The following DCAF6 variants were observed in gnomAD, a reference collection of about 807,000 sequenced individuals.
The protein encoded by DCAF6 is DDB1- and CUL4-associated factor 6.
DCAF6 carries 54 observed loss-of-function variants against 125.1 expected under a neutral mutation model. The observed-to-expected ratio is 0.43, with a 90% CI of 0.35 to 0.54. The LOEUF is 0.54. Ranked by LOEUF, DCAF6 falls within the 20% of genes least tolerant of loss-of-function variation. The pLI is 0.01. For synonymous variants in DCAF6, 371 were observed against 390.4 expected (o/e 0.95, Z 0.58); for missense variants, 934 against 1,161.7 (o/e 0.80, Z 2.85).
chr1:167,905,048 T>A, the DCAF6 span: 1 of 1,614,234 alleles, frequency 6.2e-7, no homozygotes, highest in African/African-American at 1.3e-5. Context: ...AGGGTCGCTC[T>A]GGGGAGAAAT....
At chr1:167,915,702 C>T in the DCAF6 span, among the ~76,000 whole-genome samples, 2 of 152,128 alleles carry the variant, frequency 1.3e-5, no homozygotes, top group African/African-American at 4.8e-5. Flanking sequence ...CCACCTGCCT[C>T]GGCCTCTCAA....
chr1:167,919,130 T>C, the DCAF6 span, among the ~76,000 whole-genome samples: 1 of 152,106 alleles, frequency 6.6e-6, no homozygotes, highest in East Asian at 1.9e-4. Context: ...TAAAGTAAAA[T>C]ATACTTCTAA....
chr1:168,006,416 A>G (rs1227645232), intron 10 of DCAF6, among the ~76,000 whole-genome samples: 3 of 152,218 alleles, frequency 2.0e-5, no homozygotes, highest in Admixed American at 6.5e-5. Flanking sequence ...TGACTAAGCT[A>G]TAGATAATTA....
the DCAF6 span, among the ~76,000 whole-genome samples, chr1:167,868,503 C>T: frequency 6.6e-6 from 1 of 152,158 alleles, no homozygotes; most frequent in African/African-American, 2.4e-5. Context: ...AAAATCCATT[C>T]AGTAAATTTC....
chr1:167,908,905 A>G, the DCAF6 span, among the ~76,000 whole-genome samples: 1 of 152,262 alleles, frequency 6.6e-6, no homozygotes, highest in Admixed American at 6.5e-5. Flanking sequence ...ATCTTTTAAA[A>G]AACTTTTATT....
At chr1:168,029,541 T>A (rs1451790081) in intron 12 of DCAF6, among the ~76,000 whole-genome samples, 2 of 152,208 alleles carry the variant, frequency 1.3e-5, no homozygotes, top group Admixed American at 1.3e-4. Context: ...ATAAGACACT[T>A]AATACCACAT....
Position 167,991,337 on chromosome 1 carries a change from C to T in DCAF6, c.686C>T (p.Thr229Ile), listed in dbSNP as rs1326613491. 7 of 1,608,618 alleles carry T rather than the reference C, an allele frequency of 4.4e-6. No homozygotes were observed. The highest frequency in any genetic ancestry group is 5.9e-6 in the Non-Finnish European group (7 of 1,177,554). ...CGGCGAATGCTGGGCACAAGAGCTACAGGTAAGAAGATAATATTAGAGAAA... is the reference window on the plus strand; with the variant it reads ...CGGCGAATGCTGGGCACAAGAGCTATAGGTAAGAAGATAATATTAGAGAAA... ...YDRRMLGTRATGNYAGRGTTG... is the reference protein window; with the variant it reads ...YDRRMLGTRAIGNYAGRGTTG... Residue 229 changes from threonine (T) to isoleucine (I), a missense_variant and splice_region_variant, in exon 6 of 22, where the codon ACA becomes ATA. Thr to Ile is a moderately conservative substitution (Grantham distance 89). This residue lies in a region of DCAF6 where 309 missense variants were observed against 381.2 expected (regional missense o/e 0.81). Transcript: ENST00000367840.
chr1:167,925,482 CATAT>C, the DCAF6 span, among the ~76,000 whole-genome samples: 8 of 80,852 alleles, frequency 9.9e-5, no homozygotes, highest in African/African-American at 2.3e-4. Context: ...TATACATATA[CATAT>C]ACACACACAT....
At chr1:167,945,463 G>T (rs1333636914) in intron 1 of DCAF6, among the ~76,000 whole-genome samples, 1 of 152,046 alleles carries the variant, frequency 6.6e-6, no homozygotes, top group Non-Finnish European at 1.5e-5. Context: ...GTTTGTGTGT[G>T]TGTGTATGTG....
chr1:167,975,619 C>G (rs769741781), intron 4 of DCAF6, among the ~76,000 whole-genome samples: 6 of 152,212 alleles, frequency 3.9e-5, no homozygotes, highest in Non-Finnish European at 7.3e-5. Flanking sequence ...GACCATGGCT[C>G]TCTGCAGCTT....
chr1:167,936,198 C>T (rs1671189017), upstream of DCAF6: 4 of 260,350 alleles, frequency 1.5e-5, no homozygotes, highest in South Asian at 1.4e-4. Flanking sequence ...CATGATTGGC[C>T]CGCCCCGAGG....
the DCAF6 span, among the ~76,000 whole-genome samples, chr1:167,924,150 C>T: frequency 2.0e-5 from 3 of 152,124 alleles, no homozygotes; most frequent in African/African-American, 4.8e-5. Flanking sequence ...CTTCAGTTCT[C>T]ATACTAAATT....
chr1:167,898,665 A>G, the DCAF6 span, among the ~76,000 whole-genome samples: 3 of 152,064 alleles, frequency 2.0e-5, no homozygotes, highest in African/African-American at 7.2e-5. Flanking sequence ...CAGCTAGGCC[A>G]TGCAGGCTGG....
intron 12 of DCAF6, among the ~76,000 whole-genome samples, chr1:168,033,601 G>C (rs1687422761): frequency 6.6e-6 from 1 of 152,140 alleles, no homozygotes; most frequent in African/African-American, 2.4e-5. Context: ...ACAGGTGTGA[G>C]CCACCGCGCC....
chr1:167,919,292 T>C, the DCAF6 span, among the ~76,000 whole-genome samples: 5 of 152,174 alleles, frequency 3.3e-5, no homozygotes, highest in South Asian at 2.1e-4. Flanking sequence ...CCTTCTACCA[T>C]ACCTTGGGCT....
chr1:167,905,191 T>C, the DCAF6 span: 6 of 1,602,594 alleles, frequency 3.7e-6, no homozygotes, highest in African/African-American at 6.7e-5. Context: ...AGTCTCCAAA[T>C]AGGTCTTCTA....
chr1:167,985,238 C>T (rs530676335), intron 4 of DCAF6, among the ~76,000 whole-genome samples: 5 of 150,290 alleles, frequency 3.3e-5, no homozygotes, highest in South Asian at 4.2e-4. Context: ...TGTGTGTGTG[C>T]GTGCGCGTGT....
the DCAF6 span, among the ~76,000 whole-genome samples, chr1:167,874,733 G>A: frequency 2.6e-5 from 4 of 152,194 alleles, no homozygotes; most frequent in East Asian, 5.8e-4. Context: ...CACAGCAACA[G>A]AATGGGTAAA....
chr1:167,941,830 A>G (rs921549753), intron 1 of DCAF6, among the ~76,000 whole-genome samples: 4 of 152,226 alleles, frequency 2.6e-5, no homozygotes, highest in African/African-American at 9.6e-5. Context: ...CTAGGGTCGA[A>G]CACTTTTAAA....
Sources: gnomAD v4.1 joint callset for allele counts (sites outside exome capture counted in the v4.1 genomes callset) on GRCh38, gnomAD v4.1.1 for gene constraint, gnomAD v4.1.1 regional missense constraint, MANE v1.5 for transcripts, NCBI Gene and HGNC (gene_info 2026-07-23, HGNC 2026-07-21) for gene names.